Variants in TRIM5 observed in about 807,000 individuals in gnomAD.
The protein encoded by TRIM5 is tripartite motif-containing protein 5.
A neutral mutation model predicts 35.6 loss-of-function variants in TRIM5; 31 were observed. The ratio of observed to expected loss-of-function variants is 0.87; its 90% CI spans 0.65 to 1.18. The LOEUF (loss-of-function observed/expected upper bound fraction) is 1.18, where lower values mean the gene tolerates loss of function less well. TRIM5 is among the 50% of genes most tolerant of loss of function. The pLI, the probability that TRIM5 is intolerant of heterozygous loss-of-function variation, is 0.00. For synonymous variants in TRIM5, 243 were observed against 215.6 expected, an observed-to-expected ratio of 1.13 and a Z score of -1.11; for missense variants, 609 against 591.6, an observed-to-expected ratio of 1.03 and a Z score of -0.31.
chr11:5,632,734 G>C, the TRIM5 span: 1 of 1,606,324 alleles, frequency 6.2e-7, no homozygotes, highest in Middle Eastern at 1.7e-4. Flanking sequence ...CCTCACGGAG[G>C]AAGTATTCAA....
the TRIM5 span, chr11:5,645,866 G>GC: frequency 1.4e-5 from 1 of 73,284 alleles, no homozygotes; most frequent in Non-Finnish European, 2.2e-5. Flanking sequence ...CTAGTCTTCT[G>GC]GAAAAAAAAA....
the TRIM5 span, among the ~76,000 whole-genome samples, chr11:5,618,416 C>T: frequency 6.6e-6 from 1 of 152,036 alleles, no homozygotes; most frequent in South Asian, 2.1e-4. Flanking sequence ...ATGTATAATG[C>T]TCAAAATGTA....
At chr11:5,603,276 C>A in the TRIM5 span, 2,018 of 1,613,886 alleles carry the variant, frequency 1.3e-3, 35 homozygotes, top group South Asian at 0.021. Context: ...TCTTAGAAAT[C>A]AGGGTTGGGC....
intron 4 of TRIM5, among the ~76,000 whole-genome samples, chr11:5,671,010 G>C (rs1851548099): frequency 6.6e-6 from 1 of 152,086 alleles, no homozygotes; most frequent in African/African-American, 2.4e-5. Flanking sequence ...TTGGGAGGCT[G>C]AGGCAAGTGG....
chr11:5,633,339 G>A, the TRIM5 span, among the ~76,000 whole-genome samples: 1 of 151,868 alleles, frequency 6.6e-6, no homozygotes, highest in Non-Finnish European at 1.5e-5. Context: ...GTACACTCTT[G>A]TGTATTCCTT....
the TRIM5 span, among the ~76,000 whole-genome samples, chr11:5,646,101 A>C: frequency 7.3e-6 from 1 of 136,636 alleles, no homozygotes. Context: ...CATGTATATT[A>C]TATAAATATA....
the TRIM5 span, chr11:5,644,511 T>C: frequency 2.8e-6 from 1 of 358,556 alleles, no homozygotes; most frequent in Non-Finnish European, 5.0e-6. Context: ...TTAAGACCAC[T>C]CCAATTTTAG....
At chr11:5,635,737 T>A in the TRIM5 span, among the ~76,000 whole-genome samples, 111 of 152,358 alleles carry the variant, frequency 7.3e-4, no homozygotes, top group Non-Finnish European at 1.4e-3. Flanking sequence ...GTTTGCTTTG[T>A]CTCTGGTGCT....
the TRIM5 span, among the ~76,000 whole-genome samples, chr11:5,621,022 A>G: frequency 6.6e-6 from 1 of 152,062 alleles, no homozygotes; most frequent in Non-Finnish European, 1.5e-5. Flanking sequence ...TTGGTGGGGG[A>G]AGCGATTCCA....
intron 4 of TRIM5, among the ~76,000 whole-genome samples, chr11:5,673,406 C>T (rs1851714446): frequency 6.6e-6 from 1 of 151,996 alleles, no homozygotes; most frequent in South Asian, 2.1e-4. Context: ...CTTCACCTAA[C>T]AACAGGGCTT....
At chr11:5,611,171 T>C in the TRIM5 span, 3 of 1,614,024 alleles carry the variant, frequency 1.9e-6, no homozygotes, top group African/African-American at 1.3e-5. Context: ...CCCCTCGCCG[T>C]GTTGGGGTTT....
the TRIM5 span, among the ~76,000 whole-genome samples, chr11:5,591,827 T>C: frequency 6.6e-6 from 1 of 152,224 alleles, no homozygotes; most frequent in Non-Finnish European, 1.5e-5. Flanking sequence ...AGTCTGAGCA[T>C]TTGGGTTCCA....
chr11:5,632,777 A>T, the TRIM5 span: 1 of 1,437,486 alleles, frequency 7.0e-7, no homozygotes. Flanking sequence ...ATGGAGGGAG[A>T]TGGGGCAGAA....
downstream of TRIM5, among the ~76,000 whole-genome samples, chr11:5,661,003 C>CT (rs1187973860): frequency 2.6e-4 from 30 of 115,356 alleles, no homozygotes; most frequent in African/African-American, 9.5e-4. Context: ...AATCGCGCCA[C>CT]TGCACTCCAG....
chr11:5,603,293 G>A, the TRIM5 span: 2 of 1,614,078 alleles, frequency 1.2e-6, no homozygotes, highest in Non-Finnish European at 8.5e-7. Flanking sequence ...GGGCAGGCAG[G>A]AGCCAGGAGA....
the TRIM5 span, chr11:5,633,735 CCT>C: frequency 6.9e-7 from 1 of 1,450,960 alleles, no homozygotes. Context: ...TGATTTTTTC[CCT>C]GTTTGTCCTC....
At chr11:5,632,408 T>G in the TRIM5 span, 1 of 1,614,006 alleles carries the variant, frequency 6.2e-7, no homozygotes, top group Non-Finnish European at 8.5e-7. Flanking sequence ...ACAGAACCCT[T>G]GAGTCTAGAC....
At chr11:5,622,006 G>A in the TRIM5 span, among the ~76,000 whole-genome samples, 1 of 152,050 alleles carries the variant, frequency 6.6e-6, no homozygotes, top group East Asian at 1.9e-4. Context: ...CTTCAGCCTT[G>A]GTAAAATAAA....
rs3740995 is a variant in TRIM5, at chr11:5,679,110, T to C, written c.477A>G (p.Leu159=). ...CTTTCTCTTCTCTGATGTCAGCTTCTAACTCTTCAGCTTCCTGCTGCTTCT... is the reference window on the plus strand; with the variant it reads ...CTTTCTCTTCTCTGATGTCAGCTTCCAACTCTTCAGCTTCCTGCTGCTTCT... ...LRQKQQEAEE[L]EADIREEKAS... is the part of the protein sequence containing the mutation. The change falls in exon 3 of 8, where the codon TTA becomes TTG. Residue 159 remains leucine (L), a synonymous_variant. Coordinates refer to ENST00000380034, the MANE Select transcript of TRIM5 (RefSeq NM_033034.3). 1,358,724 of 1,613,856 alleles carry C rather than the reference T, an allele frequency of 0.84. 573,101 individuals carry two copies. The highest frequency in any genetic ancestry group is 0.85 in the Non-Finnish European group (1,003,531 of 1,179,868).
Sources: gnomAD v4.1 joint callset for allele counts (sites outside exome capture counted in the v4.1 genomes callset) on GRCh38, gnomAD v4.1.1 for gene constraint, MANE v1.5 for transcripts, NCBI Gene and HGNC (gene_info 2026-07-23, HGNC 2026-07-21) for gene names.